Variants in PCDHGB1 observed in about 807,000 individuals in gnomAD.
PCDHGB1 encodes the protein protocadherin gamma subfamily B, 1.
Under a neutral mutation model 56.6 loss-of-function variants are expected in PCDHGB1, and 34 were observed. The ratio of observed to expected loss-of-function variants is 0.60; its 90% CI spans 0.46 to 0.80. PCDHGB1 has a LOEUF of 0.80. Among genes scored for constraint, PCDHGB1 ranks in the 30% least tolerant of loss-of-function variants. The pLI, the probability that PCDHGB1 is intolerant of heterozygous loss-of-function variation, is 0.00. For missense variants in PCDHGB1, 1,278 were observed against 1,204.6 expected, an observed-to-expected ratio of 1.06 and a Z score of -0.90; for synonymous variants, 561 against 505.9, an observed-to-expected ratio of 1.11 and a Z score of -1.46.
At chr5:141,381,986 C>T (rs1360595056) in intron 1 of PCDHGB1, among the ~76,000 whole-genome samples, 1 of 151,810 alleles carries the variant, frequency 6.6e-6, no homozygotes, top group African/African-American at 2.4e-5. Context: ...CGCGCCACCA[C>T]GCCCGGATAA....
chr5:141,417,038 T>TTA (rs1491140470), intron 1 of PCDHGB1: 1 of 145,854 alleles, frequency 6.9e-6, no homozygotes, highest in Non-Finnish European at 1.5e-5. Context: ...GTTTTTTTTT[T>TTA]AAAAAAAACT....
At chr5:141,375,066 G>C (rs1463444937) in intron 1 of PCDHGB1, 2 of 1,613,990 alleles carry the variant, frequency 1.2e-6, no homozygotes, top group East Asian at 2.2e-5. Flanking sequence ...CCAGGTCTTC[G>C]AGACAGAGCG....
At chr5:141,393,458 G>C in intron 1 of PCDHGB1, 1 of 1,614,020 alleles carries the variant, frequency 6.2e-7, no homozygotes, top group Non-Finnish European at 8.5e-7. Flanking sequence ...TCACGGCCTC[G>C]GATGGCGGCA....
rs70988800 is a variant in PCDHGB1, at chr5:141,379,889, CTTTTTTTTTTTTTTT to C, written c.2409+27236_2409+27250del. On this transcript the variant is annotated intron_variant, in intron 1 of 3. Coordinates refer to ENST00000523390, the MANE Select transcript of PCDHGB1 (RefSeq NM_018922.3). ...CTTATTTTATGGTCTGTGAAAGCCT[CTTTTTTTTTTTTTTT>C]TTTTTTTTTTTTTTTGTCAGAGTCT... Among the ~76,000 whole-genome samples the C allele has an allele frequency of 9.8e-4, 50 of 50,836 alleles. 1 individual carries two copies. Among genetic ancestry groups the C allele is most frequent in the Non-Finnish European group, 5.4e-4 (14 of 25,884 alleles). The allele number at this position is 50,836 out of a possible 152,430, so 33.4% of individuals were successfully genotyped here.
At chr5:141,374,976 C>G (rs774690686) in intron 1 of PCDHGB1, 1 of 1,613,898 alleles carries the variant, frequency 6.2e-7, no homozygotes, top group African/African-American at 1.3e-5. Flanking sequence ...AATGTTTTGA[C>G]TGGAGAAATT....
chr5:141,364,068 C>T (rs1405963968), intron 1 of PCDHGB1, among the ~76,000 whole-genome samples: 1 of 152,134 alleles, frequency 6.6e-6, no homozygotes, highest in Non-Finnish European at 1.5e-5. Flanking sequence ...TATAACTAAA[C>T]TTAGGAGAAA....
chr5:141,488,131 G>A (rs2099672034), intron 1 of PCDHGB1, among the ~76,000 whole-genome samples: 1 of 152,202 alleles, frequency 6.6e-6, no homozygotes, highest in Non-Finnish European at 1.5e-5. Context: ...GCAGAAAGAG[G>A]AGAGAACTAA....
At chr5:141,361,084 C>CT in intron 1 of PCDHGB1, 2 of 1,613,986 alleles carry the variant, frequency 1.2e-6, no homozygotes, top group Non-Finnish European at 1.7e-6. Flanking sequence ...TAGTTACACT[C>CT]TGAGTATCGA....
chr5:141,478,164 C>A (rs202185809), intron 1 of PCDHGB1: 2 of 1,614,010 alleles, frequency 1.2e-6, no homozygotes, highest in African/African-American at 1.3e-5. Context: ...GGCTCTGCCC[C>A]CCGGGAGCAG....
chr5:141,411,515 T>A (rs1381474249), intron 1 of PCDHGB1: 1 of 151,910 alleles, frequency 6.6e-6, no homozygotes, highest in East Asian at 1.9e-4. Flanking sequence ...TCCTGGGAGG[T>A]CAAGGTTGCA....
At chr5:141,498,881 T>C (rs9686648) in intron 2 of PCDHGB1, among the ~76,000 whole-genome samples, 77,838 of 149,554 alleles carry the variant, frequency 0.52, 20,828 homozygotes, top group African/African-American at 0.65. Flanking sequence ...TGCAGTGAGC[T>C]GAGATCACAC....
rs755091154 is a variant in PCDHGB1 at position 141,402,943 on chromosome 5, C to T, written c.2409+50274C>T. The stretch of plus-strand genomic sequence containing the variant: ...AGATCCTTTTGAGAAAATTCCAAAG[C>T]GAGGCAGCAATGGCAGCTCCAACCA... On this transcript the variant is annotated intron_variant, in intron 1 of 3. Transcript: ENST00000523390. 1.1e-5 allele frequency: 17 copies of T among 1,590,762 alleles called. No individual in the cohort carries two copies. The African/African-American group carries it at 2.0e-4, about 19-fold the overall frequency.
At chr5:141,510,378 C>T (rs919650449) in intron 3 of PCDHGB1, among the ~76,000 whole-genome samples, 1 of 151,688 alleles carries the variant, frequency 6.6e-6, no homozygotes, top group African/African-American at 2.4e-5. Flanking sequence ...TCTACTCGTG[C>T]CAGGCCTTGC....
At chr5:141,392,728 G>A in intron 1 of PCDHGB1, 3 of 1,407,730 alleles carry the variant, frequency 2.1e-6, no homozygotes, top group Non-Finnish European at 2.8e-6. Flanking sequence ...CCGGAGGATT[G>A]TCATCTCCAT....
chr5:141,468,763 G>A (rs1341363934), intron 1 of PCDHGB1, among the ~76,000 whole-genome samples: 1 of 152,078 alleles, frequency 6.6e-6, no homozygotes, highest in Non-Finnish European at 1.5e-5. Flanking sequence ...CTACTCGGGA[G>A]GCTGAGGCAG....
At chr5:141,479,063 A>G (rs1476826751) in intron 1 of PCDHGB1, among the ~76,000 whole-genome samples, 1 of 152,204 alleles carries the variant, frequency 6.6e-6, no homozygotes, top group African/African-American at 2.4e-5. Context: ...ATAATTTTTT[A>G]TGAATGAAAT....
At chr5:141,375,806 G>A in intron 1 of PCDHGB1, 1 of 1,614,206 alleles carries the variant, frequency 6.2e-7, no homozygotes, top group Non-Finnish European at 8.5e-7. Context: ...TTCCACTGGC[G>A]TGGAGCTGGC....
chr5:141,472,200 C>A (rs2099274166), intron 1 of PCDHGB1, among the ~76,000 whole-genome samples: 1 of 152,110 alleles, frequency 6.6e-6, no homozygotes, highest in Non-Finnish European at 1.5e-5. Flanking sequence ...ATCTTTTTGA[C>A]ACTAAGACCT....
Position 141,427,885 on chromosome 5 carries a change from ACCAGGGCTCGC to A in PCDHGB1, c.2410-66919_2410-66909del, listed in dbSNP as rs772694818. 4 of 1,565,134 alleles carry A rather than the reference ACCAGGGCTCGC, an allele frequency of 2.6e-6. No homozygotes were observed. In the East Asian group the frequency reaches 6.7e-5, roughly 26 times the overall value. ...TTCGAGCTCACGATGCAGGCCCACGACCAGGGCTCGCCCGCGCTCAGCGCCAACATGAGCCG... is the reference window on the plus strand; with the variant it reads ...TTCGAGCTCACGATGCAGGCCCACGACCGCGCTCAGCGCCAACATGAGCCG... On this transcript the variant is annotated intron_variant, in intron 1 of 3. Coordinates refer to ENST00000523390, the MANE Select transcript of PCDHGB1 (RefSeq NM_018922.3).
Sources: gnomAD v4.1 joint callset for allele counts (sites outside exome capture counted in the v4.1 genomes callset) on GRCh38, gnomAD v4.1.1 for gene constraint, MANE v1.5 for transcripts, NCBI Gene and HGNC (gene_info 2026-07-23, HGNC 2026-07-21) for gene names.